PCDHGA2: variants seen among roughly 807,000 people sequenced by gnomAD.
PCDHGA2 encodes protocadherin gamma subfamily A, 2.
PCDHGA2 carries 40 observed loss-of-function variants against 59.2 expected under a neutral mutation model. The ratio of observed to expected loss-of-function variants is 0.68; its 90% CI spans 0.52 to 0.88. The LOEUF is 0.88. Ranked by LOEUF, PCDHGA2 falls within the 40% of genes least tolerant of loss-of-function variation. The pLI is 0.00. For synonymous variants in PCDHGA2, 560 were observed against 526.0 expected, an observed-to-expected ratio of 1.06 and a Z score of -0.89; for missense variants, 1,226 against 1,204.0, an observed-to-expected ratio of 1.02 and a Z score of -0.27.
rs1407774111 is a variant in PCDHGA2 at position 141,431,569 on chromosome 5, C to G, written c.2425-63238C>G. On this transcript the variant is annotated intron_variant, in intron 1 of 3. Transcript: ENST00000394576. The surrounding 1 kb of genome is among the most constrained non-coding windows in gnomAD (Gnocchi z 4.8). Reference sequence around the variant, plus strand: ...TTGTAGTCAACGCTACCGACCCTGACGAAGGAGTCAATGCGGAAGTGAGGT... The same window carrying G: ...TTGTAGTCAACGCTACCGACCCTGAGGAAGGAGTCAATGCGGAAGTGAGGT... 5.6e-6 allele frequency: 9 copies of G among 1,614,000 alleles called. No homozygotes were observed. Among genetic ancestry groups the G allele is most frequent in the African/African-American group, 2.7e-5 (2 of 74,932 alleles).
chr5:141,356,684 C>A (rs775190688), intron 1 of PCDHGA2: 9 of 1,613,874 alleles, frequency 5.6e-6, no homozygotes, highest in Non-Finnish European at 7.6e-6. Context: ...GCCGAAGACA[C>A]CTTCCAGGGT....
chr5:141,408,897 T>C (rs1156707427), intron 1 of PCDHGA2: 1 of 1,613,118 alleles, frequency 6.2e-7, no homozygotes, highest in East Asian at 2.2e-5. Context: ...GAAATTTCTG[T>C]CAAGGATACC....
intron 1 of PCDHGA2, chr5:141,366,519 G>A (rs1421344823): frequency 2.5e-6 from 4 of 1,614,138 alleles, no homozygotes; most frequent in Non-Finnish European, 1.7e-6. Flanking sequence ...GCTGAAGGCA[G>A]CAGGTTGGCG....
chr5:141,403,649 T>A, intron 1 of PCDHGA2: 7 of 1,613,874 alleles, frequency 4.3e-6, no homozygotes, highest in Non-Finnish European at 5.9e-6. Flanking sequence ...TGTGACAGTG[T>A]TGGATACAAA....
intron 2 of PCDHGA2, among the ~76,000 whole-genome samples, chr5:141,498,309 G>A (rs2099783046): frequency 6.6e-6 from 1 of 151,844 alleles, no homozygotes; most frequent in Non-Finnish European, 1.5e-5. Flanking sequence ...GGGTCACACT[G>A]CCTACACAGA....
intron 1 of PCDHGA2, among the ~76,000 whole-genome samples, chr5:141,467,254 T>C (rs1291193879): frequency 2.0e-5 from 3 of 152,248 alleles, no homozygotes; most frequent in Admixed American, 6.5e-5. Flanking sequence ...GGTTTCACCA[T>C]GTTGGCCAGG....
At chr5:141,464,044 C>T (rs898632465) in intron 1 of PCDHGA2, among the ~76,000 whole-genome samples, 1 of 152,086 alleles carries the variant, frequency 6.6e-6, no homozygotes, top group African/African-American at 2.4e-5. Context: ...GCGGGTGGAT[C>T]ACCTGAGGTC....
At chr5:141,374,860 A>C in intron 1 of PCDHGA2, 1 of 1,613,772 alleles carries the variant, frequency 6.2e-7, no homozygotes, top group East Asian at 2.2e-5. Context: ...CAGTAGGCAC[A>C]CCAGTGTTGG....
chr5:141,414,613 G>A (rs957641063), intron 1 of PCDHGA2: 2 of 1,613,988 alleles, frequency 1.2e-6, no homozygotes, highest in East Asian at 4.5e-5. Flanking sequence ...CTCAGTGACA[G>A]CGCTGGACCC....
chr5:141,490,399 C>T lies in PCDHGA2; in HGVS notation c.2425-4408C>T. The T allele has an allele frequency of 1.2e-6, 2 of 1,614,148 alleles. No homozygotes were observed. Among genetic ancestry groups the T allele is most frequent in the Non-Finnish European group, 1.7e-6 (2 of 1,180,016 alleles). On this transcript the variant is annotated intron_variant, in intron 1 of 3. Transcript: ENST00000394576. This position sits in a 1 kb window ranked among gnomAD's most constrained non-coding sequence, Gnocchi z 5.4. ...CTCAGGTAGAAATGGTGAAGTGAGC[C>T]TTGATATCTCTCCGGACCTGCCATT... is the stretch of plus-strand genomic sequence containing the variant.
intron 1 of PCDHGA2, chr5:141,402,790 A>T: frequency 2.1e-6 from 2 of 961,358 alleles, no homozygotes; most frequent in Non-Finnish European, 2.9e-6. Context: ...TTCTGCGGCT[A>T]CACAAAACCC....
chr5:141,346,998 C>CTCCT (rs1156574062), intron 1 of PCDHGA2, among the ~76,000 whole-genome samples: 4 of 151,050 alleles, frequency 2.6e-5, no homozygotes, highest in African/African-American at 2.4e-5. Flanking sequence ...TTTTTTCTTT[C>CTCCT]TCCTTCCTTC....
Position 141,510,980 on chromosome 5 carries a change from G to C in PCDHGA2, c.2606G>C (p.Gly869Ala), listed in dbSNP as rs1466168256. 12 of 1,614,170 alleles carry C rather than the reference G, an allele frequency of 7.4e-6. No individual in the cohort carries two copies. The highest frequency in any genetic ancestry group is 9.3e-6 in the Non-Finnish European group (11 of 1,180,014). ...AADGSSTLGG[G>A]AGTMGLSARY... ...GATGGGAGCTCCACCCTGGGAGGGG[G>C]TGCCGGCACCATGGGATTGAGCGCC... is the stretch of plus-strand genomic sequence containing the variant. Residue 869 changes from glycine (G) to alanine (A), a missense_variant, in exon 4 of 4, where the codon GGT becomes GCT. By Grantham distance (60) the Gly-to-Ala change is moderately conservative (BLOSUM62 0). Transcript: ENST00000394576.
chr5:141,390,373 A>T, intron 1 of PCDHGA2: 1 of 1,481,208 alleles, frequency 6.8e-7, no homozygotes, highest in Non-Finnish European at 9.2e-7. Flanking sequence ...AAAATATATA[A>T]TTTTTAGATG....
intron 3 of PCDHGA2, among the ~76,000 whole-genome samples, chr5:141,506,948 G>A (rs949082646): frequency 6.6e-6 from 1 of 152,162 alleles, no homozygotes; most frequent in Non-Finnish European, 1.5e-5. Flanking sequence ...TCCTGTCAAT[G>A]AATCCTCTCA....
rs749832081 is a variant in PCDHGA2, at chr5:141,360,505, C to G, written c.2424+19110C>G. On this transcript the variant is annotated intron_variant, in intron 1 of 3. Coordinates refer to ENST00000394576, the MANE Select transcript of PCDHGA2 (RefSeq NM_018915.4). ...TATTTTCTACATAGCAGTAATTGTG[C>G]AGGATATAAATGATAATACCCCGCT... 5 of 1,613,778 alleles carry G rather than the reference C, an allele frequency of 3.1e-6. No individual in the cohort carries two copies. The Admixed American group carries it at 8.3e-5, about 27-fold the overall frequency.
At chr5:141,414,679 G>A in intron 1 of PCDHGA2, 1 of 1,613,960 alleles carries the variant, frequency 6.2e-7, no homozygotes. Flanking sequence ...CACCATCCAG[G>A]GGGTACCTCT....
chr5:141,409,278 A>C, intron 1 of PCDHGA2: 1 of 1,614,022 alleles, frequency 6.2e-7, no homozygotes, highest in Non-Finnish European at 8.5e-7. Flanking sequence ...ATTTTGGAGA[A>C]TTCACCTCCA....
intron 1 of PCDHGA2, chr5:141,361,394 T>A: frequency 1.2e-6 from 2 of 1,613,952 alleles, no homozygotes; most frequent in Non-Finnish European, 1.7e-6. Flanking sequence ...GAATACAATC[T>A]CACCATCACA....
Sources: gnomAD v4.1 joint callset for allele counts (sites outside exome capture counted in the v4.1 genomes callset) on GRCh38, gnomAD v4.1.1 for gene constraint, Gnocchi (gnomAD v3.1) non-coding constraint, MANE v1.5 for transcripts, NCBI Gene and HGNC (gene_info 2026-07-23, HGNC 2026-07-21) for gene names.